Variants in UBLCP1 observed in about 807,000 individuals in gnomAD.
UBLCP1 encodes ubiquitin-like domain-containing CTD phosphatase 1.
Under a neutral mutation model 42.4 loss-of-function variants are expected in UBLCP1, and 28 were observed. The ratio of observed to expected loss-of-function variants is 0.66; its 90% CI spans 0.49 to 0.90. The LOEUF is 0.90. Ranked by LOEUF, UBLCP1 falls within the 40% of genes least tolerant of loss-of-function variation. The pLI, the probability that UBLCP1 is intolerant of heterozygous loss-of-function variation, is 0.00. For missense variants in UBLCP1, 279 were observed against 374.5 expected (o/e 0.75, Z 2.10); for synonymous variants, 122 against 120.8 (o/e 1.01, Z -0.07).
intron 6 of UBLCP1, 125 bp downstream of exon 6, chr5:159,272,246 A>G: frequency 1.3e-6 from 1 of 751,258 alleles, no homozygotes. Flanking sequence ...TTTTTAGCAA[A>G]TTTCTAAAAT....
chr5:159,272,331 C>G (rs1421118426), intron 6 of UBLCP1, among the ~76,000 whole-genome samples: 1 of 151,964 alleles, frequency 6.6e-6, no homozygotes, highest in Non-Finnish European at 1.5e-5. Flanking sequence ...AACTATAGGA[C>G]ATGAGTACAT....
At chr5:159,280,204 A>T (rs537607133) in intron 9 of UBLCP1, among the ~76,000 whole-genome samples, 20 of 152,280 alleles carry the variant, frequency 1.3e-4, no homozygotes, top group Non-Finnish European at 2.4e-4. Context: ...CCTCTTTTTT[A>T]TAAAATTAAT....
Position 159,275,184 on chromosome 5 carries a change from A to G in UBLCP1, c.622A>G (p.Thr208Ala), listed in dbSNP as rs1315523106. The change falls in exon 8 of 11, where the codon ACT (threonine) becomes GCT (alanine). Residue 208 changes from threonine (T) to alanine (A), a missense_variant. Transcript: ENST00000296786. Reference protein sequence around the residue: ...GVSTNANYKITFMLDSAAMIT... With the variant: ...GVSTNANYKIAFMLDSAAMIT... ...GAGCACAAATGCAAATTATAAGATT[A>G]CTTTCATGTTGGATAGTGCTGCTAT... The G allele has an allele frequency of 6.2e-7, 1 of 1,613,270 alleles. No homozygotes were observed. Among genetic ancestry groups the G allele is most frequent in the Non-Finnish European group, 8.5e-7 (1 of 1,179,822 alleles).
At chr5:159,265,521 T>C (rs535234498) in intron 1 of UBLCP1, among the ~76,000 whole-genome samples, 7 of 152,308 alleles carry the variant, frequency 4.6e-5, no homozygotes, top group African/African-American at 1.7e-4. Context: ...TATTTTCTGA[T>C]TGATATGGTT....
intron 9 of UBLCP1, 145 bp from the exon 10 acceptor site, chr5:159,283,067 A>G: frequency 1.3e-6 from 1 of 744,788 alleles, no homozygotes; most frequent in Non-Finnish European, 2.1e-6. Context: ...ATGACTTTCT[A>G]TTTAGGCTAA....
At chr5:159,270,775 T>G (rs1753455346) in intron 5 of UBLCP1, 132 bp downstream of exon 5, 1 of 551,368 alleles carries the variant, frequency 1.8e-6, no homozygotes, top group Non-Finnish European at 3.0e-6. Context: ...ATTACAAAAG[T>G]AAATTGCTCA....
chr5:159,274,660 A>C, intron 7 of UBLCP1, 38 bp downstream of exon 7: 2 of 1,570,454 alleles, frequency 1.3e-6, no homozygotes, highest in Non-Finnish European at 8.7e-7. Context: ...AAATATTTTC[A>C]AACTGCATTT....
chr5:159,284,600 T>C (rs995786449), intron 10 of UBLCP1, among the ~76,000 whole-genome samples: 3 of 152,160 alleles, frequency 2.0e-5, no homozygotes, highest in Non-Finnish European at 4.4e-5. Context: ...TCTGGAGCCT[T>C]GTTTTGAATC....
intron 6 of UBLCP1, among the ~76,000 whole-genome samples, chr5:159,273,833 A>ACCAC (rs1753500162): frequency 1.7e-5 from 1 of 58,194 alleles, no homozygotes; most frequent in Non-Finnish European, 3.3e-5. Context: ...GCTTTTAAAA[A>ACCAC]TCACACACAC....
At chr5:159,277,217 T>C (rs963164503) in intron 8 of UBLCP1, among the ~76,000 whole-genome samples, 1 of 151,392 alleles carries the variant, frequency 6.6e-6, no homozygotes, top group Non-Finnish European at 1.5e-5. Context: ...ACAAGATCAG[T>C]AGCAAAAAAA....
chr5:159,267,621 C>T (rs529197644), intron 1 of UBLCP1, among the ~76,000 whole-genome samples: 1 of 152,126 alleles, frequency 6.6e-6, no homozygotes, highest in African/African-American at 2.4e-5. Flanking sequence ...TGACTGTGTG[C>T]CCACCAAAAT....
intron 9 of UBLCP1, among the ~76,000 whole-genome samples, chr5:159,278,607 C>G (rs1176221717): frequency 2.6e-5 from 4 of 152,178 alleles, no homozygotes; most frequent in Non-Finnish European, 4.4e-5. Flanking sequence ...GGATCTCACT[C>G]TGTCGCCCAG....
intron 1 of UBLCP1, among the ~76,000 whole-genome samples, chr5:159,268,397 G>A (rs1753422996): frequency 6.6e-6 from 1 of 152,206 alleles, no homozygotes; most frequent in Non-Finnish European, 1.5e-5. Flanking sequence ...TTACAGATGA[G>A]GAAACCTAGA....
At chr5:159,282,319 G>A (rs1379000771) in intron 9 of UBLCP1, among the ~76,000 whole-genome samples, 98 of 152,064 alleles carry the variant, frequency 6.4e-4, no homozygotes, top group African/African-American at 2.3e-3. Context: ...TCAACAAACT[G>A]TAAAGATAAT....
chr5:159,279,692 T>C (rs1194337507), intron 9 of UBLCP1, among the ~76,000 whole-genome samples: 1 of 152,166 alleles, frequency 6.6e-6, no homozygotes, highest in Non-Finnish European at 1.5e-5. Context: ...GGAAGAAAAG[T>C]GGTTATGTTG....
chr5:159,266,964 T>A (rs1346573884), intron 1 of UBLCP1, among the ~76,000 whole-genome samples: 2 of 152,158 alleles, frequency 1.3e-5, no homozygotes, highest in Non-Finnish European at 2.9e-5. Flanking sequence ...GGGGCCCTCA[T>A]GGGGAACTTC....
chr5:159,275,403 ATTTTTTT>A (rs56675251), intron 8 of UBLCP1, 157 bp downstream of exon 8: 67 of 164,310 alleles, frequency 4.1e-4, no homozygotes, highest in Admixed American at 7.6e-4. Context: ...AGGTTAAAAG[ATTTTTTT>A]TTTTTTTTTT....
At chr5:159,275,520 C>T (rs1201980296) in intron 8 of UBLCP1, among the ~76,000 whole-genome samples, 4 of 150,326 alleles carry the variant, frequency 2.7e-5, no homozygotes, top group African/African-American at 9.8e-5. Flanking sequence ...ACGCCATTCT[C>T]CTGCCTCAGC....
chr5:159,273,544 A>C (rs1753496929), intron 6 of UBLCP1, among the ~76,000 whole-genome samples: 1 of 152,182 alleles, frequency 6.6e-6, no homozygotes, highest in Non-Finnish European at 1.5e-5. Context: ...TAGAAGTATC[A>C]ATATAGCAAC....
Sources: allele counts gnomAD v4.1 joint callset (sites outside exome capture counted in the v4.1 genomes callset), GRCh38; gene constraint gnomAD v4.1.1; transcripts MANE v1.5; gene names NCBI Gene and HGNC (gene_info 2026-07-23, HGNC 2026-07-21).